Variants in SNTB1 observed in about 807,000 individuals in gnomAD.
SNTB1 encodes beta-1-syntrophin.
Under a neutral mutation model 48.9 loss-of-function variants are expected in SNTB1, and 36 were observed. That is an observed-to-expected ratio of 0.74 (90% CI 0.56 to 0.97). SNTB1 has a LOEUF of 0.97. Among genes scored for constraint, SNTB1 ranks in the 50% least tolerant of loss-of-function variants. The probability of loss-of-function intolerance (pLI) is 0.00; values close to 1 mark genes in which losing one functional copy is unlikely to be tolerated. For synonymous variants in SNTB1, 299 were observed against 294.6 expected (o/e 1.01, Z -0.15); for missense variants, 786 against 703.4 (o/e 1.12, Z -1.33).
Position 120,723,827 on chromosome 8 carries a change from T to C in SNTB1, c.572-29919A>G, listed in dbSNP as rs140266932. On this transcript the variant is annotated intron_variant, in intron 1 of 6. Coordinates refer to ENST00000517992, the MANE Select transcript of SNTB1 (RefSeq NM_021021.4). ...CCCCAGGACAATACCTAGCACATAT[T>C]AAATGTCCAGTAAACGGCAGCTATT... Among the ~76,000 whole-genome samples, 197 of 152,336 alleles carry C rather than the reference T, an allele frequency of 1.3e-3. 1 individual carries two copies. The highest frequency in any genetic ancestry group is 9.7e-4 in the Non-Finnish European group (66 of 68,030).
chr8:120,774,650 T>C (rs1289036025), intron 1 of SNTB1, among the ~76,000 whole-genome samples: 1 of 150,042 alleles, frequency 6.7e-6, no homozygotes, highest in Non-Finnish European at 1.5e-5. Flanking sequence ...TGTTTGCTTG[T>C]TTGTTTGTTT....
chr8:120,714,750 A>C (rs1818528122), intron 1 of SNTB1, among the ~76,000 whole-genome samples: 1 of 152,210 alleles, frequency 6.6e-6, no homozygotes, highest in Non-Finnish European at 1.5e-5. Flanking sequence ...AAGTTTATTA[A>C]AATATCACGG....
At chr8:120,694,400 A>G (rs6469947) in intron 1 of SNTB1, among the ~76,000 whole-genome samples, 16,886 of 152,098 alleles carry the variant, frequency 0.11, 1,958 homozygotes, top group African/African-American at 0.29. Context: ...ATAAGAACAC[A>G]TTTTGTAGTG....
chr8:120,774,860 G>T (rs573154316), intron 1 of SNTB1, among the ~76,000 whole-genome samples: 20 of 152,114 alleles, frequency 1.3e-4, no homozygotes, highest in Admixed American at 9.2e-4. Flanking sequence ...CACCATGTTG[G>T]CCAGGCTGGT....
Position 120,562,426 on chromosome 8 carries a change from G to C in SNTB1, c.1136+12660C>G, listed in dbSNP as rs117515707. Among the ~76,000 whole-genome samples, 20 of 152,242 alleles carry C rather than the reference G, an allele frequency of 1.3e-4. No individual in the cohort carries two copies. In the East Asian group the frequency reaches 3.9e-3, roughly 29 times the overall value. On this transcript the variant is annotated intron_variant, in intron 4 of 6. Transcript: ENST00000517992. ...TTCTTATATCCCACCCACCACTCCTGAGGGGCTCCTGGTTAGCAGAAGGGA... is the reference window on the plus strand; with the variant it reads ...TTCTTATATCCCACCCACCACTCCTCAGGGGCTCCTGGTTAGCAGAAGGGA...
chr8:120,705,127 T>C (rs560495722), intron 1 of SNTB1, among the ~76,000 whole-genome samples: 36 of 152,230 alleles, frequency 2.4e-4, no homozygotes, highest in Non-Finnish European at 3.8e-4. Context: ...GCTCAGGAAA[T>C]AATTAAACCA....
chr8:120,594,325 C>A (rs887819874), intron 3 of SNTB1, among the ~76,000 whole-genome samples: 3 of 152,166 alleles, frequency 2.0e-5, no homozygotes, highest in Non-Finnish European at 4.4e-5. Flanking sequence ...GCAACCTCCA[C>A]CTCCCGGGTT....
chr8:120,567,850 G>C (rs1815779332), intron 4 of SNTB1, among the ~76,000 whole-genome samples: 1 of 151,970 alleles, frequency 6.6e-6, no homozygotes, highest in Non-Finnish European at 1.5e-5. Flanking sequence ...TATGATTTGT[G>C]CATATTACTA....
intron 3 of SNTB1, among the ~76,000 whole-genome samples, chr8:120,576,839 A>C (rs777487754): frequency 2.6e-5 from 4 of 152,192 alleles, no homozygotes; most frequent in African/African-American, 4.8e-5. Flanking sequence ...GAAATGCTTA[A>C]TACAGTGCAG....
chr8:120,700,622 C>T lies in SNTB1; in HGVS notation c.572-6714G>A, dbSNP rs149892222. ...AGAGGTGCTCTTCAAACCAATAATCCACCAAGCCACTTTCAATATGTTTGT... is the reference window on the plus strand; with the variant it reads ...AGAGGTGCTCTTCAAACCAATAATCTACCAAGCCACTTTCAATATGTTTGT... On this transcript the variant is annotated intron_variant, in intron 1 of 6. Coordinates refer to ENST00000517992, the MANE Select transcript of SNTB1 (RefSeq NM_021021.4). Among the ~76,000 whole-genome samples the T allele has an allele frequency of 3.1e-3, 479 of 152,266 alleles. 3 individuals carry two copies. Among genetic ancestry groups the T allele is most frequent in the African/African-American group, 0.011 (458 of 41,548 alleles).
At chr8:120,676,201 A>G (rs759122330) in intron 2 of SNTB1, among the ~76,000 whole-genome samples, 6 of 152,270 alleles carry the variant, frequency 3.9e-5, no homozygotes, top group South Asian at 2.1e-4. Flanking sequence ...TTTGTCATAA[A>G]ATGAACTCTA....
Position 120,619,905 on chromosome 8 carries a change from C to T in SNTB1, c.996+12539G>A, listed in dbSNP as rs114506698. On this transcript the variant is annotated intron_variant, in intron 3 of 6. Coordinates refer to ENST00000517992, the MANE Select transcript of SNTB1 (RefSeq NM_021021.4). ...TTGTAAAATGGCCTAAAAAGCCAAA[C>T]GATGGTGTTGATGGAAGTTCTGTGA... 9.4e-3 allele frequency among the ~76,000 whole-genome samples: 1,426 copies of T among 152,152 alleles called. 28 individuals are homozygous for T. Among genetic ancestry groups the T allele is most frequent in the African/African-American group, 0.033 (1,371 of 41,516 alleles).
chr8:120,591,814 A>G (rs1442655216), intron 3 of SNTB1, among the ~76,000 whole-genome samples: 1 of 152,150 alleles, frequency 6.6e-6, no homozygotes, highest in Non-Finnish European at 1.5e-5. Flanking sequence ...GATTTAGGAT[A>G]AAGAAGGTGA....
intron 2 of SNTB1, among the ~76,000 whole-genome samples, chr8:120,677,011 C>T (rs1456295426): frequency 6.7e-6 from 1 of 150,130 alleles, no homozygotes; most frequent in Non-Finnish European, 1.5e-5. Flanking sequence ...TTGCAGTGAG[C>T]TATGATCATG....
At chr8:120,729,516 A>G (rs1818817843) in intron 1 of SNTB1, among the ~76,000 whole-genome samples, 1 of 152,206 alleles carries the variant, frequency 6.6e-6, no homozygotes, top group Admixed American at 6.5e-5. Context: ...TCTGGAAGAG[A>G]CTGTCTGGGT....
chr8:120,547,988 T>A (rs1815411376), intron 5 of SNTB1, among the ~76,000 whole-genome samples: 1 of 152,206 alleles, frequency 6.6e-6, no homozygotes, highest in Non-Finnish European at 1.5e-5. Context: ...ATCCCCAGTA[T>A]GGAGGTGGGG....
intron 1 of SNTB1, among the ~76,000 whole-genome samples, chr8:120,771,871 T>C (rs1819641492): frequency 6.6e-6 from 1 of 152,150 alleles, no homozygotes; most frequent in Non-Finnish European, 1.5e-5. Context: ...TTATTATTTA[T>C]GTATTTATTT....
At chr8:120,634,421 T>G (rs900205767) in intron 2 of SNTB1, among the ~76,000 whole-genome samples, 3 of 151,936 alleles carry the variant, frequency 2.0e-5, no homozygotes, top group Non-Finnish European at 2.9e-5. Flanking sequence ...GAGGAAAAAA[T>G]GGAACTTTGG....
chr8:120,770,419 A>ATT (rs1563596552), intron 1 of SNTB1, among the ~76,000 whole-genome samples: 1 of 139,574 alleles, frequency 7.2e-6, no homozygotes, highest in Non-Finnish European at 1.6e-5. Flanking sequence ...TTTTTGCCTT[A>ATT]TTTCAAGTGC....
Sources: gnomAD v4.1 joint callset for allele counts (sites outside exome capture counted in the v4.1 genomes callset) on GRCh38, gnomAD v4.1.1 for gene constraint, MANE v1.5 for transcripts, NCBI Gene and HGNC (gene_info 2026-07-23, HGNC 2026-07-21) for gene names.